Variants in KIAA1549L observed in about 807,000 individuals in gnomAD.
The protein encoded by KIAA1549L is UPF0606 protein KIAA1549L.
A neutral mutation model predicts 160.7 loss-of-function variants in KIAA1549L; 88 were observed. The observed-to-expected ratio is 0.55, with a 90% CI of 0.46 to 0.65. KIAA1549L has a LOEUF of 0.65. KIAA1549L is among the 30% of genes least tolerant of loss of function. The pLI is 0.00. For missense variants in KIAA1549L, 2,258 were observed against 2,437.5 expected, an observed-to-expected ratio of 0.93 and a Z score of 1.55; for synonymous variants, 950 against 976.7, an observed-to-expected ratio of 0.97 and a Z score of 0.51.
chr11:33,381,688 A>C (rs1334159419), intron 1 of KIAA1549L, among the ~76,000 whole-genome samples: 1 of 152,182 alleles, frequency 6.6e-6, no homozygotes, highest in Non-Finnish European at 1.5e-5. Flanking sequence ...TGTGGAGAGA[A>C]AAGTCTGTAA....
chr11:33,664,952 G>A (rs1852390459), intron 20 of KIAA1549L, among the ~76,000 whole-genome samples: 1 of 152,140 alleles, frequency 6.6e-6, no homozygotes, highest in East Asian at 1.9e-4. Flanking sequence ...TAGATCAAAC[G>A]GGACATGCAG....
chr11:33,554,594 G>A (rs1218965491), intron 6 of KIAA1549L, among the ~76,000 whole-genome samples: 2 of 152,184 alleles, frequency 1.3e-5, no homozygotes, highest in African/African-American at 4.8e-5. Flanking sequence ...CATCCTTGTT[G>A]CTCACAGTCT....
chr11:33,493,894 C>T lies in KIAA1549L; in HGVS notation c.239-47908C>T, dbSNP rs559292601. Among the ~76,000 whole-genome samples, 21 of 152,300 alleles carry T rather than the reference C, an allele frequency of 1.4e-4. No homozygotes were observed. In the South Asian group the frequency reaches 4.3e-3, roughly 32 times the overall value. On this transcript the variant is annotated intron_variant, in intron 1 of 20. Transcript: ENST00000658780. ...GGACTGAGGATGATTGGAGTGCAGTCATTGTTAACAGCAGATACCCAGTGA... is the reference window on the plus strand; with the variant it reads ...GGACTGAGGATGATTGGAGTGCAGTTATTGTTAACAGCAGATACCCAGTGA...
At chr11:33,483,680 G>A (rs1043586127) in intron 1 of KIAA1549L, among the ~76,000 whole-genome samples, 1 of 152,084 alleles carries the variant, frequency 6.6e-6, no homozygotes, top group African/African-American at 2.4e-5. Flanking sequence ...ATGGGGGATG[G>A]TTTCACCCAT....
At chr11:33,403,345 G>T (rs796101399) in intron 1 of KIAA1549L, 4 of 4,376 alleles carry the variant, frequency 9.1e-4, no homozygotes, top group Non-Finnish European at 1.7e-3. Context: ...ATGCAGACAC[G>T]CAGACAGACA....
chr11:33,658,651 C>A (rs965940491), intron 18 of KIAA1549L, 99 bp from the exon 19 acceptor site: 18 of 1,223,192 alleles, frequency 1.5e-5, no homozygotes, highest in African/African-American at 4.5e-5. Context: ...GGCTTGGAGG[C>A]AGCTGTCCAT....
intron 1 of KIAA1549L, among the ~76,000 whole-genome samples, chr11:33,407,081 A>ATTTTTTTTT (rs750670251): frequency 1.0e-4 from 10 of 100,134 alleles, no homozygotes; most frequent in Non-Finnish European, 1.3e-4. Flanking sequence ...TTCTTTTTTC[A>ATTTTTTTTT]TTTTTTTTTT....
chr11:33,633,805 C>G (rs1177254790), intron 16 of KIAA1549L, among the ~76,000 whole-genome samples: 1 of 152,196 alleles, frequency 6.6e-6, no homozygotes, highest in East Asian at 1.9e-4. Context: ...AGGCTACTTA[C>G]AAGCTACGTG....
At chr11:33,528,601 T>C (rs1853667509) in intron 1 of KIAA1549L, among the ~76,000 whole-genome samples, 1 of 152,088 alleles carries the variant, frequency 6.6e-6, no homozygotes, top group Admixed American at 6.5e-5. Context: ...AATGAGTGGA[T>C]AAAGAAAAAG....
intron 9 of KIAA1549L, among the ~76,000 whole-genome samples, chr11:33,570,844 T>A (rs1565191520): frequency 1.3e-5 from 2 of 152,196 alleles, no homozygotes; most frequent in Non-Finnish European, 2.9e-5. Context: ...AAGATGCCAT[T>A]TTCACCTACC....
intron 8 of KIAA1549L, among the ~76,000 whole-genome samples, chr11:33,565,042 G>A (rs560111767): frequency 1.3e-5 from 2 of 152,158 alleles, no homozygotes; most frequent in African/African-American, 2.4e-5. Context: ...GCTGAGTCAC[G>A]GGTGGCCAAG....
At chr11:33,567,164 T>C (rs1855076610) in intron 8 of KIAA1549L, among the ~76,000 whole-genome samples, 1 of 152,176 alleles carries the variant, frequency 6.6e-6, no homozygotes, top group African/African-American at 2.4e-5. Context: ...ACCTGTTGAC[T>C]GCAGATGCCC....
intron 1 of KIAA1549L, among the ~76,000 whole-genome samples, chr11:33,486,811 G>T (rs998340432): frequency 2.6e-5 from 4 of 152,184 alleles, no homozygotes; most frequent in African/African-American, 9.6e-5. Context: ...TTCTGATGGT[G>T]ATCAGGTATG....
At position 33,542,845 on chromosome 11, in the gene KIAA1549L, GC is replaced by G; in HGVS notation, c.1284del (p.Ile429Ter). The G allele has an allele frequency of 6.2e-7, 1 of 1,613,766 alleles. No individual in the cohort carries two copies. The highest frequency in any genetic ancestry group is 8.5e-7 in the Non-Finnish European group (1 of 1,179,864). The part of the protein sequence containing the change: ...PPLFQTAESG[A>X]IEMTSRKLAS... Reference sequence around the variant, plus strand: ...ACTTTTCCAGACTGCAGAATCAGGGGCCATAGAAATGACCAGCAGAAAGCTA... The same window carrying G: ...ACTTTTCCAGACTGCAGAATCAGGGGCATAGAAATGACCAGCAGAAAGCTA... On this transcript the variant is annotated frameshift_variant, in exon 2 of 21. Coordinates refer to ENST00000658780, the MANE Select transcript of KIAA1549L (RefSeq NM_012194.3). LOFTEE classifies it high-confidence loss of function.
chr11:33,445,260 C>A (rs934190868), intron 1 of KIAA1549L, among the ~76,000 whole-genome samples: 1 of 152,090 alleles, frequency 6.6e-6, no homozygotes, highest in Non-Finnish European at 1.5e-5. Flanking sequence ...GGAGAGGAGA[C>A]AAAGCCAGCA....
At position 33,671,616 on chromosome 11, in the gene KIAA1549L, A is replaced by ACACACACACACACC. The variant is rs1374560127; in HGVS notation, c.*3463_*3464insACACACACACACCC. The stretch of plus-strand genomic sequence containing the variant: ...CACACACACACACACACACACACAC[A>ACACACACACACACC]CCCTACTTCGGAGAGAGAATGTAGA... On this transcript the variant is annotated 3_prime_UTR_variant, in exon 21 of 21. Transcript: ENST00000658780. 2 of 150,878 alleles carry ACACACACACACACC rather than the reference A, an allele frequency of 1.3e-5. No homozygotes were observed. Among genetic ancestry groups the ACACACACACACACC allele is most frequent in the Non-Finnish European group, 2.9e-5 (2 of 67,810 alleles). The allele number at this position is 150,878 out of a possible 1,614,324, so 9.3% of individuals were successfully genotyped here. A position where few individuals can be genotyped will look rare whatever the true frequency, so the allele number is the denominator to read the frequency against.
chr11:33,449,487 T>C (rs1444582549), intron 1 of KIAA1549L, among the ~76,000 whole-genome samples: 2 of 152,164 alleles, frequency 1.3e-5, no homozygotes, highest in Non-Finnish European at 2.9e-5. Flanking sequence ...GAGACATCTA[T>C]TCCCTACCCC....
intron 1 of KIAA1549L, among the ~76,000 whole-genome samples, chr11:33,527,761 AG>A (rs981314345): frequency 6.6e-6 from 1 of 152,200 alleles, no homozygotes; most frequent in African/African-American, 2.4e-5. Flanking sequence ...TCCATCAAAA[AG>A]TGGGTTAAGG....
intron 9 of KIAA1549L, among the ~76,000 whole-genome samples, chr11:33,571,521 G>T (rs947407687): frequency 1.3e-5 from 2 of 152,206 alleles, no homozygotes; most frequent in African/African-American, 4.8e-5. Flanking sequence ...GTTAGCATCT[G>T]CTTCTGGAAA....
Sources: gnomAD v4.1 joint callset for allele counts (sites outside exome capture counted in the v4.1 genomes callset) on GRCh38, gnomAD v4.1.1 for gene constraint, MANE v1.5 for transcripts, NCBI Gene and HGNC (gene_info 2026-07-23, HGNC 2026-07-21) for gene names.